BLVRB: variants seen among roughly 807,000 people sequenced by gnomAD.
The protein encoded by BLVRB is biliverdin reductase B, also known as flavin reductase (NADPH).
BLVRB carries 25 observed loss-of-function variants against 21.1 expected under a neutral mutation model. The ratio of observed to expected loss-of-function variants is 1.19; its 90% CI spans 0.86 to 1.66. The LOEUF (loss-of-function observed/expected upper bound fraction) is 1.66. BLVRB is among the 40% of genes most tolerant of loss of function. The pLI, the probability that BLVRB is intolerant of heterozygous loss-of-function variation, is 0.00. For synonymous variants in BLVRB, 128 were observed against 122.2 expected, an observed-to-expected ratio of 1.05 and a Z score of -0.31; for missense variants, 274 against 282.7, an observed-to-expected ratio of 0.97 and a Z score of 0.22.
rs928545555 is a variant in BLVRB, at chr19:40,448,107, C to T, written c.464-61G>A. 3.9e-5 allele frequency: 61 copies of T among 1,553,250 alleles called. No individual in the cohort carries two copies. The East Asian group carries it at 7.6e-4, about 19-fold the overall frequency. On this transcript the variant is annotated intron_variant, in intron 4 of 4. Transcript: ENST00000263368. Reference sequence around the variant, plus strand: ...GACACCTTTCCCTTCCCCCAAAATTCGACCCCCAGAAAGACCTTCCCAGGG... The same window carrying T: ...GACACCTTTCCCTTCCCCCAAAATTTGACCCCCAGAAAGACCTTCCCAGGG...
intron 3 of BLVRB, 75 bp from the exon 4 acceptor site, chr19:40,451,567 T>C: frequency 6.9e-7 from 1 of 1,441,700 alleles, no homozygotes; most frequent in Non-Finnish European, 9.1e-7. Context: ...AGAGTGTCGC[T>C]TTGTCACCCA....
In BLVRB at chr19:40,464,498, G is replaced by A. The variant is rs139109947; in HGVS notation, c.79+1112C>T. Among the ~76,000 whole-genome samples, 20 of 152,304 alleles carry A rather than the reference G, an allele frequency of 1.3e-4. No homozygotes were observed. The East Asian group carries it at 2.7e-3, about 21-fold the overall frequency. On this transcript the variant is annotated intron_variant, in intron 1 of 4. Coordinates refer to ENST00000263368, the MANE Select transcript of BLVRB (RefSeq NM_000713.3). ...TAGGCTCCAGTTCTTAACCCTCTGA[G>A]TGCAGTCCCAGCTATGACCAGCAGG...
Position 40,458,457 on chromosome 19 carries a change from C to T in BLVRB, c.168G>A (p.Leu56=), listed in dbSNP as rs779212747. 1.2e-6 allele frequency: 2 copies of T among 1,602,266 alleles called. No homozygotes were observed. The highest frequency in any genetic ancestry group is 8.5e-7 in the Non-Finnish European group (1 of 1,175,082). The change falls in exon 2 of 5, where the codon CTG becomes CTA. Residue 56 remains leucine (L), a synonymous_variant. Transcript: ENST00000263368. The part of the protein sequence containing the change: ...RPAHVVVGDV[L]QAADVDKTVA... The stretch of plus-strand genomic sequence containing the variant: ...CGGTCTTGTCCACATCGGCTGCCTG[C>T]AGAACATCTCCCACTACCACGTGGG...
intron 3 of BLVRB, among the ~76,000 whole-genome samples, chr19:40,452,478 ATTT>A (rs1276313325): frequency 7.3e-6 from 1 of 137,894 alleles, no homozygotes; most frequent in Admixed American, 7.2e-5. Context: ...AAACCCCACT[ATTT>A]TTTTTTTTTT....
At chr19:40,451,871 C>T (rs1018021045) in intron 3 of BLVRB, among the ~76,000 whole-genome samples, 12 of 152,166 alleles carry the variant, frequency 7.9e-5, no homozygotes, top group Admixed American at 1.3e-4. Context: ...AAAACCCTGC[C>T]ATGGCTGACC....
At chr19:40,465,392 C>T (rs1229661432) in intron 1 of BLVRB, among the ~76,000 whole-genome samples, 1 of 152,242 alleles carries the variant, frequency 6.6e-6, no homozygotes, top group Non-Finnish European at 1.5e-5. Context: ...TCCCGGGGCT[C>T]CCGGGGCCAA....
intron 1 of BLVRB, among the ~76,000 whole-genome samples, chr19:40,461,046 C>T (rs1439711667): frequency 6.6e-6 from 1 of 152,052 alleles, no homozygotes; most frequent in African/African-American, 2.4e-5. Context: ...CCCAAAAAGA[C>T]ACAATAAAAA....
At chr19:40,450,709 AT>A (rs201806085) in intron 4 of BLVRB, among the ~76,000 whole-genome samples, 179 of 139,120 alleles carry the variant, frequency 1.3e-3, no homozygotes, top group Admixed American at 1.6e-3. Context: ...CGCCCAGCTA[AT>A]TTTTTTTTTT....
rs773785470 is a variant in BLVRB, at chr19:40,448,001, C to T, written c.509G>A (p.Arg170Gln). 8.7e-6 allele frequency: 14 copies of T among 1,613,964 alleles called. No homozygotes were observed. The highest frequency in any genetic ancestry group is 4.5e-5 in the East Asian group (2 of 44,866). Residue 170 changes from arginine to glutamine, a missense_variant, in exon 5 of 5, where the codon CGA becomes CAA. Coordinates refer to ENST00000263368, the MANE Select transcript of BLVRB (RefSeq NM_000713.3). Reference sequence around the variant, plus strand: ...TTTGGAGATGACCCTTGAGGGCCCTCGTCCATCCAGGGTCACTGTGTACGC... The same window carrying T: ...TTTGGAGATGACCCTTGAGGGCCCTTGTCCATCCAGGGTCACTGTGTACGC... ...TGAYTVTLDG[R>Q]GPSRVISKHD...
Position 40,447,909 on chromosome 19 carries a change from G to C in BLVRB, c.601C>G (p.Pro201Ala), listed in dbSNP as rs773558164. Residue 201 changes from proline to alanine, a missense_variant, in exon 5 of 5, where the codon CCC becomes GCC. Coordinates refer to ENST00000263368, the MANE Select transcript of BLVRB (RefSeq NM_000713.3). The part of the protein sequence containing the change: ...TDEYDGHSTY[P>A]SHQYQ ...GAGTGCTACTGGTACTGGTGGGAGG[G>C]GTAGGTGCTGTGTCCGTCGTACTCA... The C allele has an allele frequency of 3.1e-6, 5 of 1,613,882 alleles. No homozygotes were observed. The East Asian group carries it at 1.1e-4, about 36-fold the overall frequency.
chr19:40,463,327 A>G (rs1203919972), intron 1 of BLVRB, among the ~76,000 whole-genome samples: 1 of 152,220 alleles, frequency 6.6e-6, no homozygotes, highest in Admixed American at 6.5e-5. Flanking sequence ...AATTATCCCA[A>G]GAGCCCTAGG....
chr19:40,460,245 A>AATATATATATATATATATATATATATAT lies in BLVRB; in HGVS notation c.80-1701_80-1700insATATATATATATATATATATATATATAT, dbSNP rs1223233988. On this transcript the variant is annotated intron_variant, in intron 1 of 4. Transcript: ENST00000263368. Reference sequence around the variant, plus strand: ...TAACATTTGGGTATACTGTAATAGCAACATATATATATATATATATATATA... The same window carrying AATATATATATATATATATATATATATAT: ...TAACATTTGGGTATACTGTAATAGCAATATATATATATATATATATATATATATACATATATATATATATATATATATA... 4.3e-3 allele frequency among the ~76,000 whole-genome samples: 232 copies of AATATATATATATATATATATATATATAT among 53,440 alleles called. 8 individuals are homozygous for AATATATATATATATATATATATATATAT. The highest frequency in any genetic ancestry group is 5.4e-3 in the Non-Finnish European group (157 of 29,162). The allele number at this position is 53,440 out of a possible 152,430, so 35.1% of individuals were successfully genotyped here. A position where few individuals can be genotyped will look rare whatever the true frequency, so the allele number is the denominator to read the frequency against.
At chr19:40,465,386 G>A (rs1256890548) in intron 1 of BLVRB, among the ~76,000 whole-genome samples, 2 of 152,170 alleles carry the variant, frequency 1.3e-5, no homozygotes, top group East Asian at 3.8e-4. Context: ...GAGTCCTCCC[G>A]GGGCTCCCGG....
intron 4 of BLVRB, chr19:40,450,078 G>C (rs1336159470): frequency 6.6e-6 from 1 of 150,702 alleles, no homozygotes; most frequent in Non-Finnish European, 1.5e-5. Context: ...CGCGCCTGTA[G>C]TCCCAGCTAT....
At chr19:40,452,117 A>T (rs2079742641) in intron 3 of BLVRB, among the ~76,000 whole-genome samples, 1 of 152,002 alleles carries the variant, frequency 6.6e-6, no homozygotes, top group Non-Finnish European at 1.5e-5. Context: ...GTTCACATCC[A>T]TAGCTCCATC....
Position 40,451,372 on chromosome 19 carries a change from G to A in BLVRB, c.455C>T (p.Pro152Leu). 6.2e-7 allele frequency: 1 copy of A among 1,603,714 alleles called. No homozygotes were observed. The highest frequency in any genetic ancestry group is 8.5e-7 in the Non-Finnish European group (1 of 1,175,500). The change falls in exon 4 of 5, where the codon CCA becomes CTA. Residue 152 changes from proline to leucine, a missense_variant. Transcript: ENST00000263368. ...GTCCCTGCCCTGCTTACCTATGTGT[G>A]GCGGCATCACAGCCACGTACTTCAG... ...SGLKYVAVMP[P>L]HIGDQPLTGA...
chr19:40,459,147 T>A (rs905188014), intron 1 of BLVRB, among the ~76,000 whole-genome samples: 1 of 149,394 alleles, frequency 6.7e-6, no homozygotes, highest in African/African-American at 2.5e-5. Flanking sequence ...CTGGACAACA[T>A]GATGAAACCC....
intron 3 of BLVRB, among the ~76,000 whole-genome samples, chr19:40,456,303 G>T (rs1206641328): frequency 6.6e-6 from 1 of 151,966 alleles, no homozygotes; most frequent in Non-Finnish European, 1.5e-5. Context: ...CATACCTGTT[G>T]CCCCAGCTAT....
chr19:40,461,548 G>C (rs887667214), intron 1 of BLVRB, among the ~76,000 whole-genome samples: 1 of 150,328 alleles, frequency 6.7e-6, no homozygotes, highest in Non-Finnish European at 1.5e-5. Context: ...TGCCCAGTCT[G>C]GAGTGCAGTG....
Sources: allele counts gnomAD v4.1 joint callset (sites outside exome capture counted in the v4.1 genomes callset), GRCh38; gene constraint gnomAD v4.1.1; transcripts MANE v1.5; gene names NCBI Gene and HGNC (gene_info 2026-07-23, HGNC 2026-07-21).